The following ABCG8 variants were observed in gnomAD, a reference collection of about 807,000 sequenced individuals.
ABCG8 encodes ATP-binding cassette sub-family G member 8.
A neutral mutation model predicts 71.3 loss-of-function variants in ABCG8; 81 were observed. The observed-to-expected ratio is 1.14, with a 90% CI of 0.95 to 1.37. The LOEUF (loss-of-function observed/expected upper bound fraction) is 1.37. ABCG8 is among the 40% of genes most tolerant of loss of function. The pLI, the probability that ABCG8 is intolerant of heterozygous loss-of-function variation, is 0.00. For missense variants in ABCG8, 1,119 were observed against 866.2 expected, an observed-to-expected ratio of 1.29 and a Z score of -3.66; for synonymous variants, 451 against 354.7, an observed-to-expected ratio of 1.27 and a Z score of -3.05.
intron 1 of ABCG8, among the ~76,000 whole-genome samples, chr2:43,839,426 T>C (rs1474546188): frequency 1.2e-5 from 1 of 80,120 alleles, no homozygotes; most frequent in African/African-American, 5.5e-5. Flanking sequence ...TTTTTTTTTT[T>C]TTTTTTTTTT....
chr2:43,852,370 C>T lies in ABCG8; in HGVS notation c.578C>T (p.Ala193Val), dbSNP rs376362072. The T allele has an allele frequency of 1.7e-4, 275 of 1,612,248 alleles. 1 individual carries two copies. Among genetic ancestry groups the T allele is most frequent in the South Asian group, 8.5e-4 (77 of 91,006 alleles). Residue 193 changes from alanine to valine, a missense_variant, in exon 5 of 13, where the codon GCG (alanine) becomes GTG (valine). By Grantham distance (64) the Ala-to-Val change is moderately conservative. Coordinates refer to ENST00000272286, the MANE Select transcript of ABCG8 (RefSeq NM_022437.3). ...GGCCCACAGGTGGAGGACGTGATCG[C>T]GGAGCTGCGGCTTAGGCAGTGCGCT... ...QRDKRVEDVI[A>V]ELRLRQCADT...
At chr2:43,850,795 G>A (rs1292130527) in intron 3 of ABCG8, among the ~76,000 whole-genome samples, 1 of 151,950 alleles carries the variant, frequency 6.6e-6, no homozygotes, top group Non-Finnish European at 1.5e-5. Flanking sequence ...TGTAATCCCA[G>A]CTACTCAGGA....
rs1379088167 is a variant in ABCG8, at chr2:43,880,859, A to G, written c.*2946A>G. ...ACCGCCTGCAGGTAAGTAATCTCCC[A>G]TCTACACTGCCACGCCTTCTCCTGT... On this transcript the variant is annotated 3_prime_UTR_variant, in exon 13 of 13. Coordinates refer to ENST00000272286, the MANE Select transcript of ABCG8 (RefSeq NM_022437.3). 2 of 152,112 alleles carry G rather than the reference A, an allele frequency of 1.3e-5. No homozygotes were observed. Among genetic ancestry groups the G allele is most frequent in the Admixed American group, 1.3e-4 (2 of 15,276 alleles). 9.4% of individuals were successfully genotyped at this position (152,112 alleles called of 1,614,324 possible).
chr2:43,871,617 G>T (rs1266447036), intron 6 of ABCG8, among the ~76,000 whole-genome samples: 1 of 152,144 alleles, frequency 6.6e-6, no homozygotes, highest in Non-Finnish European at 1.5e-5. Flanking sequence ...TGGAGCCAGA[G>T]CATGACTGTC....
In ABCG8 at chr2:43,872,945, T is replaced by C. The variant is rs370320063; in HGVS notation, c.1211+639T>C. 3.9e-5 allele frequency among the ~76,000 whole-genome samples: 6 copies of C among 151,962 alleles called. No homozygotes were observed. In the East Asian group the frequency reaches 9.7e-4, roughly 24 times the overall value. On this transcript the variant is annotated intron_variant, in intron 8 of 12. Transcript: ENST00000272286. ...CAGACGGCACTGTGTGGCGTGTGTCTTTCCTGATGTTTCCATGCATACACA... is the reference window on the plus strand; with the variant it reads ...CAGACGGCACTGTGTGGCGTGTGTCCTTCCTGATGTTTCCATGCATACACA...
chr2:43,874,514 C>CCT (rs1553383817), intron 10 of ABCG8, 31 bp downstream of exon 10: 1 of 1,561,328 alleles, frequency 6.4e-7, no homozygotes, highest in South Asian at 1.1e-5. Context: ...GCAAGTGCCC[C>CCT]CCACCCACCA....
intron 6 of ABCG8, among the ~76,000 whole-genome samples, chr2:43,868,804 A>G (rs971460507): frequency 3.3e-5 from 5 of 152,148 alleles, no homozygotes; most frequent in African/African-American, 1.2e-4. Context: ...CACCCTCTGG[A>G]TAGAACTCTC....
In ABCG8 at chr2:43,846,157, G is replaced by A. The variant is rs973149684; in HGVS notation, c.168G>A (p.Val56=). ...TLEVRDLNYQ[V]DLASQVPWFE... ...AACCTTCTGATATCTCCCCACAGGTGGACCTGGCCTCTCAGGTCCCTTGGT... is the reference window on the plus strand; with the variant it reads ...AACCTTCTGATATCTCCCCACAGGTAGACCTGGCCTCTCAGGTCCCTTGGT... The change falls in exon 3 of 13, where the codon GTG becomes GTA. Residue 56 remains valine (V), a splice_region_variant and synonymous_variant. Transcript: ENST00000272286. 4.0e-5 allele frequency: 64 copies of A among 1,613,092 alleles called. No individual in the cohort carries two copies. Among genetic ancestry groups the A allele is most frequent in the Non-Finnish European group, 5.4e-5 (64 of 1,180,024 alleles).
chr2:43,871,343 A>ACTAT (rs1205017952), intron 6 of ABCG8, among the ~76,000 whole-genome samples: 3 of 141,458 alleles, frequency 2.1e-5, no homozygotes, highest in African/African-American at 8.0e-5. Flanking sequence ...TAGAACTCTC[A>ACTAT]CTATCTGGAT....
rs911456264 is a variant in ABCG8, at chr2:43,878,361, C to G, written c.*448C>G. The G allele has an allele frequency of 3.6e-6, 1 of 280,280 alleles. No individual in the cohort carries two copies. Among genetic ancestry groups the G allele is most frequent in the Non-Finnish European group, 7.0e-6 (1 of 141,998 alleles). 17.4% of individuals were successfully genotyped at this position (280,280 alleles called of 1,614,324 possible). A position where few individuals can be genotyped will look rare whatever the true frequency, so the allele number is the denominator to read the frequency against. ...ACTCCGTGGTGAGCCACCATCAATA[C>G]AGAAAGTGACCTAAGATGTACCAGC... is the stretch of plus-strand genomic sequence containing the variant. On this transcript the variant is annotated 3_prime_UTR_variant, in exon 13 of 13. Transcript: ENST00000272286.
At chr2:43,851,552 C>T (rs112048704) in intron 3 of ABCG8, 32 bp from the exon 4 acceptor site, 114 of 1,611,846 alleles carry the variant, frequency 7.1e-5, no homozygotes, top group African/African-American at 4.5e-4. Context: ...ACAGAAGCTC[C>T]GCTCTCAGGG....
intron 6 of ABCG8, among the ~76,000 whole-genome samples, chr2:43,861,547 TG>T (rs1669319973): frequency 6.6e-6 from 1 of 151,008 alleles, no homozygotes; most frequent in Non-Finnish European, 1.5e-5. Context: ...TCTCAGCATC[TG>T]GATAAAACTC....
intron 6 of ABCG8, among the ~76,000 whole-genome samples, chr2:43,867,115 A>C (rs1445108883): frequency 6.7e-6 from 1 of 149,500 alleles, no homozygotes; most frequent in Non-Finnish European, 1.5e-5. Context: ...CAAACACCGC[A>C]TGTTCTCACT....
intron 6 of ABCG8, among the ~76,000 whole-genome samples, chr2:43,871,324 C>A (rs1324574657): frequency 1.3e-5 from 2 of 151,200 alleles, no homozygotes; most frequent in Non-Finnish European, 3.0e-5. Flanking sequence ...AGAACTCTCA[C>A]TCTCTGGATA....
chr2:43,871,838 A>G (rs1286461704), intron 6 of ABCG8, 138 bp from the exon 7 acceptor site: 9 of 1,285,494 alleles, frequency 7.0e-6, no homozygotes, highest in Non-Finnish European at 9.8e-6. Context: ...CCCTTGCTTC[A>G]TGGCTGAGGG....
At chr2:43,867,658 T>G (rs1481067360) in intron 6 of ABCG8, among the ~76,000 whole-genome samples, 1 of 152,000 alleles carries the variant, frequency 6.6e-6, no homozygotes, top group Non-Finnish European at 1.5e-5. Flanking sequence ...ATTCTCAGTC[T>G]CTGTATAGAA....
chr2:43,842,178 T>A (rs1300795609), intron 1 of ABCG8, among the ~76,000 whole-genome samples: 1 of 152,044 alleles, frequency 6.6e-6, no homozygotes, highest in African/African-American at 2.4e-5. Flanking sequence ...CCCGGCAATT[T>A]TTTTTTGTAT....
intron 6 of ABCG8, among the ~76,000 whole-genome samples, chr2:43,859,693 C>G (rs914632846): frequency 3.3e-5 from 5 of 151,404 alleles, no homozygotes; most frequent in Non-Finnish European, 5.9e-5. Flanking sequence ...TTCTCACTAT[C>G]TGGATAGAAC....
intron 6 of ABCG8, among the ~76,000 whole-genome samples, chr2:43,857,810 C>T (rs1402041469): frequency 2.0e-5 from 3 of 151,704 alleles, no homozygotes; most frequent in African/African-American, 4.8e-5. Context: ...TTAGAACTCT[C>T]ACTACCTGTC....
Sources: allele counts gnomAD v4.1 joint callset (sites outside exome capture counted in the v4.1 genomes callset), GRCh38; gene constraint gnomAD v4.1.1; transcripts MANE v1.5; gene names NCBI Gene and HGNC (gene_info 2026-07-23, HGNC 2026-07-21).